SORCS1: variants seen among roughly 807,000 people sequenced by gnomAD.
The protein encoded by SORCS1 is VPS10 domain-containing receptor SorCS1.
A neutral mutation model predicts 146.1 loss-of-function variants in SORCS1; 60 were observed. That is an observed-to-expected ratio of 0.41 (90% CI 0.33 to 0.51). SORCS1 has a LOEUF of 0.51. Ranked by LOEUF, SORCS1 falls within the 20% of genes least tolerant of loss-of-function variation. SORCS1 has a pLI of 0.21. For missense variants in SORCS1, 1,352 were observed against 1,487.6 expected, an observed-to-expected ratio of 0.91 and a Z score of 1.50; for synonymous variants, 637 against 584.0, an observed-to-expected ratio of 1.09 and a Z score of -1.31.
chr10:106,985,868 T>G (rs1258830946), intron 1 of SORCS1, among the ~76,000 whole-genome samples: 1 of 152,006 alleles, frequency 6.6e-6, no homozygotes, highest in Non-Finnish European at 1.5e-5. Context: ...CTATGGTTAT[T>G]GGCAATCTTA....
rs1372500637 is a variant in SORCS1, at chr10:106,597,435, T to C, written c.3181A>G (p.Ile1061Val). Residue 1061 changes from isoleucine to valine, a missense_variant, in exon 24 of 26, where the codon ATC (isoleucine) becomes GTC (valine). By Grantham distance (29) the Ile-to-Val change is conservative. Transcript: ENST00000263054. The stretch of plus-strand genomic sequence containing the variant: ...ACTGAGTTTTGGTTGAGCGTGTGGA[T>C]CAGCAATTCTGATATCTGAAAAAAG... ...DDLEQISELL[I>V]HTLNQNSVHF... 1.2e-6 allele frequency: 2 copies of C among 1,613,758 alleles called. No individual in the cohort carries two copies. Among genetic ancestry groups the C allele is most frequent in the South Asian group, 2.2e-5 (2 of 91,074 alleles).
intron 1 of SORCS1, among the ~76,000 whole-genome samples, chr10:107,003,321 A>C (rs899316970): frequency 6.6e-6 from 1 of 152,134 alleles, no homozygotes; most frequent in Non-Finnish European, 1.5e-5. Flanking sequence ...TTTGCAGCTC[A>C]TATCAGCATC....
chr10:107,036,268 TA>T (rs2133962128), intron 1 of SORCS1, among the ~76,000 whole-genome samples: 1 of 152,270 alleles, frequency 6.6e-6, no homozygotes, highest in South Asian at 2.1e-4. Context: ...ACATTGTAGG[TA>T]TTCTAAGTAA....
At chr10:106,600,727 A>T in intron 23 of SORCS1, 1 of 985,320 alleles carries the variant, frequency 1.0e-6, no homozygotes, top group Non-Finnish European at 1.2e-6. Flanking sequence ...TGGAGCTTAA[A>T]GGAAATACCA....
intron 24 of SORCS1, among the ~76,000 whole-genome samples, chr10:106,590,857 G>T (rs1010423556): frequency 4.6e-5 from 7 of 152,126 alleles, no homozygotes; most frequent in African/African-American, 1.7e-4. Flanking sequence ...ATTTCACCGT[G>T]TTGGTCAGGC....
At chr10:106,864,153 G>A (rs1001459183) in intron 2 of SORCS1, among the ~76,000 whole-genome samples, 1 of 152,158 alleles carries the variant, frequency 6.6e-6, no homozygotes, top group Non-Finnish European at 1.5e-5. Flanking sequence ...TGGCTGTCAT[G>A]GAGAAAAATG....
chr10:106,909,530 T>C (rs1423684584), intron 2 of SORCS1, among the ~76,000 whole-genome samples: 1 of 152,176 alleles, frequency 6.6e-6, no homozygotes, highest in Admixed American at 6.5e-5. Context: ...TTCTCATTTC[T>C]CTACTTAACC....
intron 24 of SORCS1, among the ~76,000 whole-genome samples, chr10:106,590,496 T>C (rs1002995894): frequency 1.3e-5 from 2 of 152,100 alleles, no homozygotes; most frequent in East Asian, 3.9e-4. Flanking sequence ...GTTACTAGGG[T>C]CAATGAGAAA....
At chr10:107,159,740 A>G (rs1969563085) in intron 1 of SORCS1, among the ~76,000 whole-genome samples, 1 of 152,268 alleles carries the variant, frequency 6.6e-6, no homozygotes, top group Non-Finnish European at 1.5e-5. Context: ...CCACATTAGC[A>G]TTCATATAGC....
At chr10:107,003,897 T>C (rs6584776) in intron 1 of SORCS1, among the ~76,000 whole-genome samples, 23,527 of 151,968 alleles carry the variant, frequency 0.15, 5,588 homozygotes, top group African/African-American at 0.51. Context: ...AGAATACGGC[T>C]GGGTGCGGTG....
At chr10:106,676,446 A>G (rs1034148126) in intron 13 of SORCS1, among the ~76,000 whole-genome samples, 1 of 152,214 alleles carries the variant, frequency 6.6e-6, no homozygotes, top group South Asian at 2.1e-4. Flanking sequence ...ATTAAACTCC[A>G]GGAGATGTTA....
chr10:106,893,293 G>A (rs1009924537), intron 2 of SORCS1, among the ~76,000 whole-genome samples: 6 of 152,074 alleles, frequency 3.9e-5, no homozygotes, highest in African/African-American at 7.2e-5. Context: ...AAATAATAAT[G>A]GATGAAGCCA....
At chr10:107,138,048 C>A (rs1427255351) in intron 1 of SORCS1, among the ~76,000 whole-genome samples, 1 of 152,050 alleles carries the variant, frequency 6.6e-6, no homozygotes, top group Non-Finnish European at 1.5e-5. Context: ...GGAAAAATTT[C>A]CATTATTATC....
chr10:106,577,826 G>T, intron 25 of SORCS1: 1 of 359,228 alleles, frequency 2.8e-6, no homozygotes, highest in Non-Finnish European at 4.8e-6. Context: ...TTAGCCCCAA[G>T]CAATCACACA....
intron 1 of SORCS1, among the ~76,000 whole-genome samples, chr10:106,957,681 A>C (rs547765389): frequency 6.6e-6 from 1 of 152,274 alleles, no homozygotes; most frequent in South Asian, 2.1e-4. Flanking sequence ...CATAAGAAAC[A>C]GAGAAAATCA....
chr10:106,664,993 G>C (rs563583183), intron 17 of SORCS1, among the ~76,000 whole-genome samples: 3 of 152,028 alleles, frequency 2.0e-5, no homozygotes, highest in East Asian at 1.9e-4. Context: ...ACTATGCTAA[G>C]ACCTCACTGA....
At chr10:107,139,982 A>C (rs1967672560) in intron 1 of SORCS1, among the ~76,000 whole-genome samples, 1 of 152,206 alleles carries the variant, frequency 6.6e-6, no homozygotes, top group Non-Finnish European at 1.5e-5. Context: ...AAAGTGGAGA[A>C]AACTCAAACC....
chr10:107,143,831 G>A (rs1052930505), intron 1 of SORCS1, among the ~76,000 whole-genome samples: 1 of 151,762 alleles, frequency 6.6e-6, no homozygotes, highest in Non-Finnish European at 1.5e-5. Context: ...TTGTAGAGAT[G>A]AGGTTTCACC....
intron 13 of SORCS1, among the ~76,000 whole-genome samples, chr10:106,675,690 C>T (rs1162087018): frequency 6.6e-6 from 1 of 152,150 alleles, no homozygotes; most frequent in Admixed American, 6.5e-5. Context: ...TCCTGATGGT[C>T]ACTGGAATGC....
Sources: gnomAD v4.1 joint callset for allele counts (sites outside exome capture counted in the v4.1 genomes callset) on GRCh38, gnomAD v4.1.1 for gene constraint, MANE v1.5 for transcripts, NCBI Gene and HGNC (gene_info 2026-07-23, HGNC 2026-07-21) for gene names.